The following PCDHGA1 variants were observed in gnomAD, a reference collection of about 807,000 sequenced individuals.
PCDHGA1 encodes protocadherin gamma-A1.
In PCDHGA1, 32 loss-of-function variants were observed where a neutral mutation model predicts 58.0. That is an observed-to-expected ratio of 0.55 (90% CI 0.42 to 0.74). PCDHGA1 has a LOEUF of 0.74. Among genes scored for constraint, PCDHGA1 ranks in the 30% least tolerant of loss-of-function variants. The pLI is 0.00. For synonymous variants in PCDHGA1, 498 were observed against 501.1 expected (o/e 0.99, Z 0.08); for missense variants, 1,205 against 1,182.3 (o/e 1.02, Z -0.28).
chr5:141,476,820 T>C lies in PCDHGA1; in HGVS notation c.2422-17987T>C, dbSNP rs368919360. 6.2e-7 allele frequency: 1 copy of C among 1,613,594 alleles called. No individual in the cohort carries two copies. Among genetic ancestry groups the C allele is most frequent in the African/African-American group, 1.3e-5 (1 of 75,066 alleles). The stretch of plus-strand genomic sequence containing the variant: ...AGCCTGCCTATTCACATCAAGGTGC[T>C]GGACGCGAATGACAATGCGCCTGTC... On this transcript the variant is annotated intron_variant, in intron 1 of 3. Transcript: ENST00000517417. This position sits in a 1 kb window ranked among gnomAD's most constrained non-coding sequence, Gnocchi z 7.6.
At chr5:141,414,520 A>G in intron 1 of PCDHGA1, 1 of 1,613,990 alleles carries the variant, frequency 6.2e-7, no homozygotes, top group Non-Finnish European at 8.5e-7. Flanking sequence ...AGTGGCAGAT[A>G]TCAATGACAA....
intron 1 of PCDHGA1, 71 bp downstream of exon 1, chr5:141,333,176 C>T (rs1168087293): frequency 6.2e-7 from 1 of 1,601,950 alleles, no homozygotes; most frequent in East Asian, 2.2e-5. Flanking sequence ...CTAGCGTTCG[C>T]TCTTTGCTAC....
At chr5:141,344,713 A>T in intron 1 of PCDHGA1, 2 of 1,613,978 alleles carry the variant, frequency 1.2e-6, no homozygotes, top group Non-Finnish European at 1.7e-6. Flanking sequence ...GGCAACTTGC[A>T]CATCCAAGTG....
At position 141,486,714 on chromosome 5, in the gene PCDHGA1, CAG is replaced by C; in HGVS notation, c.2422-8092_2422-8091del. ...TCTTTCATCTCTCTGAACCCCCAGA[CAG>C]GAGCTGTTCATGCTACTCGATCCTT... On this transcript the variant is annotated intron_variant, in intron 1 of 3. Coordinates refer to ENST00000517417, the MANE Select transcript of PCDHGA1 (RefSeq NM_018912.3). This position sits in a 1 kb window ranked among gnomAD's most constrained non-coding sequence, Gnocchi z 5.0. 1 of 1,614,216 alleles carries C rather than the reference CAG, an allele frequency of 6.2e-7. No homozygotes were observed. Among genetic ancestry groups the C allele is most frequent in the Non-Finnish European group, 8.5e-7 (1 of 1,180,034 alleles).
intron 1 of PCDHGA1, chr5:141,478,450 AGCCAGTCCACTGGCCAGCC>A (rs1562070520): frequency 6.2e-7 from 1 of 1,613,572 alleles, no homozygotes. Context: ...AACCTGGTGC[AGCCAGTCCACTGGCCAGCC>A]GCCAGAACAC....
At position 141,431,952 on chromosome 5, in the gene PCDHGA1, AC is replaced by A; in HGVS notation, c.2422-62854del. ...CTGCCCTTTAAATTAGAAAAATCTTACGGAAATTACTATAGTTTAGTCACAG... is the reference window on the plus strand; with the variant it reads ...CTGCCCTTTAAATTAGAAAAATCTTAGGAAATTACTATAGTTTAGTCACAG... On this transcript the variant is annotated intron_variant, in intron 1 of 3. Transcript: ENST00000517417. This position sits in a 1 kb window ranked among gnomAD's most constrained non-coding sequence, Gnocchi z 4.8. 1 of 1,614,166 alleles carries A rather than the reference AC, an allele frequency of 6.2e-7. No homozygotes were observed. The highest frequency in any genetic ancestry group is 1.1e-5 in the South Asian group (1 of 91,090).
At chr5:141,371,998 G>A (rs893704391) in intron 1 of PCDHGA1, 3 of 1,613,266 alleles carry the variant, frequency 1.9e-6, no homozygotes, top group Non-Finnish European at 1.7e-6. Flanking sequence ...CTGCAGGCCC[G>A]CGACCAGGGC....
chr5:141,413,343 G>A, intron 1 of PCDHGA1: 12 of 1,613,994 alleles, frequency 7.4e-6, no homozygotes, highest in Non-Finnish European at 1.0e-5. Context: ...CCAAGGACTT[G>A]GGTCTGGCGC....
In PCDHGA1 at chr5:141,423,972, T is replaced by C. The variant is rs1459859824; in HGVS notation, c.2422-70835T>C. ...TTTAGTATTATTTTTCTATTATCAG[T>C]GTATGAGGCTCTCAATTTATTATAT... On this transcript the variant is annotated intron_variant, in intron 1 of 3. Transcript: ENST00000517417. 4 of 1,128,544 alleles carry C rather than the reference T, an allele frequency of 3.5e-6. No homozygotes were observed. The East Asian group carries it at 1.9e-4, about 53-fold the overall frequency. The allele number at this position is 1,128,544 out of a possible 1,614,324, so 69.9% of individuals were successfully genotyped here.
Position 141,431,240 on chromosome 5 carries a change from G to A in PCDHGA1, c.2422-63567G>A, listed in dbSNP as rs1402814836. 6 of 1,614,044 alleles carry A rather than the reference G, an allele frequency of 3.7e-6. No individual in the cohort carries two copies. Among genetic ancestry groups the A allele is most frequent in the Non-Finnish European group, 5.1e-6 (6 of 1,180,056 alleles). On this transcript the variant is annotated intron_variant, in intron 1 of 3. Coordinates refer to ENST00000517417, the MANE Select transcript of PCDHGA1 (RefSeq NM_018912.3). The surrounding 1 kb of genome is among the most constrained non-coding windows in gnomAD (Gnocchi z 4.8). Reference sequence around the variant, plus strand: ...CCCTCTACCCCACGCCTGGGATCCGGATATCGGGAAGAACTCTCTGCAGAG... The same window carrying A: ...CCCTCTACCCCACGCCTGGGATCCGAATATCGGGAAGAACTCTCTGCAGAG...
chr5:141,383,234 A>G, intron 1 of PCDHGA1: 2 of 1,613,960 alleles, frequency 1.2e-6, no homozygotes, highest in Non-Finnish European at 1.7e-6. Flanking sequence ...CTGATGGAAG[A>G]TAAAATGAAT....
At chr5:141,429,875 A>G (rs959789833) in intron 1 of PCDHGA1, among the ~76,000 whole-genome samples, 3 of 152,322 alleles carry the variant, frequency 2.0e-5, no homozygotes, top group Middle Eastern at 6.8e-3. Context: ...ATTTTCTTTT[A>G]CTAAGTTTCC....
rs1417754081 is a variant in PCDHGA1, at chr5:141,512,046, T to C, written c.*873T>C. 1 of 152,746 alleles carries C rather than the reference T, an allele frequency of 6.5e-6. No individual in the cohort carries two copies. Among genetic ancestry groups the C allele is most frequent in the East Asian group, 1.9e-4 (1 of 5,190 alleles). 9.5% of individuals were successfully genotyped at this position (152,746 alleles called of 1,614,324 possible). Reference sequence around the variant, plus strand: ...GCCTTGGAGGAGGCTCTGTATGTCCTCAGGGGACTGACAACATCCTCCAGA... The same window carrying C: ...GCCTTGGAGGAGGCTCTGTATGTCCCCAGGGGACTGACAACATCCTCCAGA... On this transcript the variant is annotated 3_prime_UTR_variant, in exon 4 of 4. Transcript: ENST00000517417.
chr5:141,355,212 T>C, intron 1 of PCDHGA1: 1 of 1,600,656 alleles, frequency 6.2e-7, no homozygotes. Flanking sequence ...TGGCGGCGCC[T>C]CCTGCTCGCC....
chr5:141,432,035 G>C lies in PCDHGA1; in HGVS notation c.2422-62772G>C. 6 of 1,614,218 alleles carry C rather than the reference G, an allele frequency of 3.7e-6. No homozygotes were observed. Among genetic ancestry groups the C allele is most frequent in the Non-Finnish European group, 5.1e-6 (6 of 1,180,046 alleles). ...CTACAACATCACAGTGACCGCCACT[G>C]ACCGGGGAACCCCGCCCCTATCCAC... On this transcript the variant is annotated intron_variant, in intron 1 of 3. Coordinates refer to ENST00000517417, the MANE Select transcript of PCDHGA1 (RefSeq NM_018912.3). The surrounding 1 kb of genome is among the most constrained non-coding windows in gnomAD (Gnocchi z 6.0).
Position 141,370,390 on chromosome 5 carries a change from G to A in PCDHGA1, c.2421+37285G>A, listed in dbSNP as rs765930146. 5.2e-6 allele frequency: 8 copies of A among 1,543,776 alleles called. No homozygotes were observed. In the African/African-American group the frequency reaches 9.7e-5, roughly 19 times the overall value. The stretch of plus-strand genomic sequence containing the variant: ...ATTTAGAAAGGCAAAGGCGCAGAGA[G>A]CGGGATGGGAAATAGCTCCGGATGG... On this transcript the variant is annotated intron_variant, in intron 1 of 3. Transcript: ENST00000517417.
intron 1 of PCDHGA1, among the ~76,000 whole-genome samples, chr5:141,458,982 C>G (rs2098958289): frequency 6.6e-6 from 1 of 152,164 alleles, no homozygotes; most frequent in Admixed American, 6.5e-5. Flanking sequence ...GTCCTCCTGC[C>G]TCACCCTCCC....
Position 141,476,091 on chromosome 5 carries a change from G to T in PCDHGA1, c.2422-18716G>T, listed in dbSNP as rs1470774975. The T allele has an allele frequency of 1.3e-6, 2 of 1,563,074 alleles. No homozygotes were observed. Among genetic ancestry groups the T allele is most frequent in the Non-Finnish European group, 1.7e-6 (2 of 1,159,286 alleles). On this transcript the variant is annotated intron_variant, in intron 1 of 3. Coordinates refer to ENST00000517417, the MANE Select transcript of PCDHGA1 (RefSeq NM_018912.3). This position sits in a 1 kb window ranked among gnomAD's most constrained non-coding sequence, Gnocchi z 7.6. ...AAATCTCAGGGACGATCTGGACCCC[G>T]CTGAGAGGAACTGCTTTTGAGTGAG...
intron 1 of PCDHGA1, chr5:141,410,849 C>CTTTTTTTTTCTTTTTTTTTTT (rs2095433801): frequency 7.7e-6 from 1 of 129,786 alleles, no homozygotes; most frequent in Non-Finnish European, 1.3e-5. Context: ...TTGTCTTTGT[C>CTTTTTTTTTCTTTTTTTTTTT]TTTTTTTTTT....
Sources: gnomAD v4.1 joint callset for allele counts (sites outside exome capture counted in the v4.1 genomes callset) on GRCh38, gnomAD v4.1.1 for gene constraint, Gnocchi (gnomAD v3.1) non-coding constraint, MANE v1.5 for transcripts, NCBI Gene and HGNC (gene_info 2026-07-23, HGNC 2026-07-21) for gene names.